Variants in TECPR1 observed in about 807,000 individuals in gnomAD.
The protein encoded by TECPR1 is tectonin beta-propeller repeat containing 1, also known as tectonin beta-propeller repeat-containing protein 1.
TECPR1 carries 122 observed loss-of-function variants against 162.4 expected under a neutral mutation model. The ratio of observed to expected loss-of-function variants is 0.75; its 90% CI spans 0.65 to 0.87. TECPR1 has a LOEUF of 0.87. Among genes scored for constraint, TECPR1 ranks in the 40% least tolerant of loss-of-function variants. TECPR1 has a pLI of 0.00. For missense variants in TECPR1, 1,432 were observed against 1,618.2 expected (o/e 0.88, Z 1.97); for synonymous variants, 642 against 670.6 (o/e 0.96, Z 0.66).
In TECPR1 at chr7:98,232,744, T is replaced by G; in HGVS notation, c.1818+83A>C. On this transcript the variant is annotated intron_variant, in intron 12 of 25. Transcript: ENST00000447648. The surrounding 1 kb of genome is among the most constrained non-coding windows in gnomAD (Gnocchi z 4.6). ...GGATGGAGGCATCTATCTGTTTCTC[T>G]CAGAGCTGGTACACAGCAGGCGCTC... 6.2e-6 allele frequency: 9 copies of G among 1,442,012 alleles called. No individual in the cohort carries two copies. Among genetic ancestry groups the G allele is most frequent in the Non-Finnish European group, 8.2e-6 (9 of 1,094,260 alleles). 89.3% of individuals were successfully genotyped at this position (1,442,012 alleles called of 1,614,324 possible). A position where few individuals can be genotyped will look rare whatever the true frequency, so the allele number is the denominator to read the frequency against.
Position 98,252,150 on chromosome 7 carries a change from A to C in TECPR1, c.-199T>G, listed in dbSNP as rs959936031. On this transcript the variant is annotated 5_prime_UTR_variant, in exon 1 of 26. Coordinates refer to ENST00000447648, the MANE Select transcript of TECPR1 (RefSeq NM_015395.3). ...CCTGGGCCCGCGCCGGGCGGGGCGA[A>C]GTCGCGGTGGTAGGTCCTCGGCGTC... 1 of 152,532 alleles carries C rather than the reference A, an allele frequency of 6.6e-6. No individual in the cohort carries two copies. 9.4% of individuals were successfully genotyped at this position (152,532 alleles called of 1,614,324 possible).
intron 18 of TECPR1, 33 bp downstream of exon 18, chr7:98,224,973 T>C: frequency 6.5e-7 from 1 of 1,539,358 alleles, no homozygotes; most frequent in Non-Finnish European, 8.8e-7. Context: ...GGAGGGCGGA[T>C]TCCCAACCCC....
intron 10 of TECPR1, among the ~76,000 whole-genome samples, chr7:98,235,851 A>AACAC (rs1554401451): frequency 6.8e-6 from 1 of 147,278 alleles, no homozygotes; most frequent in Non-Finnish European, 1.5e-5. Flanking sequence ...AAAAAAAAAA[A>AACAC]CACCATCTGA....
rs756231563 is a variant in TECPR1, at chr7:98,236,822, G to A, written c.1135C>T (p.Arg379Ter). 129 of 1,588,102 alleles carry A rather than the reference G, an allele frequency of 8.1e-5. No homozygotes were observed. The highest frequency in any genetic ancestry group is 2.9e-4 in the South Asian group (25 of 86,862). Residue 379 changes from arginine (R) to a stop codon, truncating the protein, a stop_gained, in exon 10 of 26, where the codon CGA becomes TGA. Coordinates refer to ENST00000447648, the MANE Select transcript of TECPR1 (RefSeq NM_015395.3). LOFTEE classifies it high-confidence loss of function. ...GKTWKAIIAA[R>*]ECDRSHSGSS... ...CCAGAGTGTGACCGGTCACACTCTC[G>A]GGCCGCGATGATGGCTTTCCAGGTC...
chr7:98,233,339 CT>C (rs751415294), intron 11 of TECPR1, 81 bp downstream of exon 11: 1,088 of 1,384,108 alleles, frequency 7.9e-4, no homozygotes, highest in Non-Finnish European at 8.3e-4. Context: ...CCCGAGCCCC[CT>C]GACCCCGGCC....
In TECPR1 at chr7:98,236,896, C is replaced by T. The variant is rs1228350195; in HGVS notation, c.1061G>A (p.Arg354Gln). ...GACACCCTGCCGGAAGTACACGGCT[C>T]GGTCCTCACAGCCAATGCCCCACAC... Reference protein sequence around the residue: ...DQVWGIGCEDRAVYFRQGVTP... With the variant: ...DQVWGIGCEDQAVYFRQGVTP... Residue 354 changes from arginine (R) to glutamine (Q), a missense_variant, in exon 10 of 26, where the codon CGA (arginine) becomes CAA (glutamine). Coordinates refer to ENST00000447648, the MANE Select transcript of TECPR1 (RefSeq NM_015395.3). The T allele has an allele frequency of 8.9e-6, 14 of 1,571,824 alleles. No individual in the cohort carries two copies. Among genetic ancestry groups the T allele is most frequent in the Middle Eastern group, 1.7e-4 (1 of 6,006 alleles).
chr7:98,244,262 TC>T (rs1798842407), intron 5 of TECPR1, among the ~76,000 whole-genome samples: 1 of 152,136 alleles, frequency 6.6e-6, no homozygotes, highest in Admixed American at 6.5e-5. Flanking sequence ...CAGAGGTGCC[TC>T]CCTTGGCTGA....
At chr7:98,245,232 G>A in intron 3 of TECPR1, 165 bp from the exon 4 acceptor site, 3 of 710,694 alleles carry the variant, frequency 4.2e-6, no homozygotes, top group Non-Finnish European at 4.6e-6. Flanking sequence ...AGCAACTGGG[G>A]ACCCCCATGC....
intron 10 of TECPR1, among the ~76,000 whole-genome samples, chr7:98,234,445 C>T (rs908941255): frequency 1.3e-5 from 2 of 152,162 alleles, no homozygotes; most frequent in African/African-American, 4.8e-5. Flanking sequence ...TGAGCCACCG[C>T]GCCCGATCAT....
At chr7:98,223,556 G>A in intron 20 of TECPR1, 106 bp downstream of exon 20, 1 of 1,230,246 alleles carries the variant, frequency 8.1e-7, no homozygotes, top group South Asian at 1.3e-5. Flanking sequence ...TGGGACTGAG[G>A]TCAGAGGCCA....
At chr7:98,234,705 C>CTT (rs34332931) in intron 10 of TECPR1, among the ~76,000 whole-genome samples, 180 of 73,454 alleles carry the variant, frequency 2.5e-3, no homozygotes, top group East Asian at 5.8e-3. Flanking sequence ...TTGTTATTGT[C>CTT]TTTTTTTTTT....
Position 98,217,379 on chromosome 7 carries a change from G to C in TECPR1, c.*11C>G, listed in dbSNP as rs1413281740. On this transcript the variant is annotated 3_prime_UTR_variant, in exon 26 of 26. Transcript: ENST00000447648. Reference sequence around the variant, plus strand: ...GGGCACCGTCCCTGCATGTAGGTGTGTGGGGGGGCCTCAGCAGCAGACGGG... The same window carrying C: ...GGGCACCGTCCCTGCATGTAGGTGTCTGGGGGGGCCTCAGCAGCAGACGGG... 6.6e-7 allele frequency: 1 copy of C among 1,517,090 alleles called. No individual in the cohort carries two copies. Among genetic ancestry groups the C allele is most frequent in the Non-Finnish European group, 9.0e-7 (1 of 1,113,582 alleles). 94.0% of individuals were successfully genotyped at this position (1,517,090 alleles called of 1,614,324 possible).
intron 10 of TECPR1, 42 bp from the exon 11 acceptor site, chr7:98,233,953 G>T: frequency 6.8e-7 from 1 of 1,469,304 alleles, no homozygotes; most frequent in Admixed American, 2.5e-5. Context: ...CCTTGCAGGG[G>T]AACAGGCGCT....
intron 16 of TECPR1, chr7:98,228,633 C>T (rs946543390): frequency 1.4e-5 from 3 of 213,682 alleles, no homozygotes; most frequent in Non-Finnish European, 2.9e-5. Flanking sequence ...CCCCGTGGGG[C>T]ATGTGGGCTG....
chr7:98,231,911 G>A lies in TECPR1; in HGVS notation c.1867C>T (p.Pro623Ser). The A allele has an allele frequency of 1.2e-6, 2 of 1,610,098 alleles. No individual in the cohort carries two copies. The highest frequency in any genetic ancestry group is 1.7e-6 in the Non-Finnish European group (2 of 1,179,782). Residue 623 changes from proline (P) to serine (S), a missense_variant, in exon 13 of 26, where the codon CCC becomes TCC. By Grantham distance (74) the Pro-to-Ser change is moderately conservative. Coordinates refer to ENST00000447648, the MANE Select transcript of TECPR1 (RefSeq NM_015395.3). The part of the protein sequence containing the change: ...GALQWWCDWK[P>S]HKWVDVRLAL... ...AAGCGCACGTCCACCCACTTGTGGG[G>A]CTTCCAGTCGCACCACCACTGCAGC...
chr7:98,231,272 C>T lies in TECPR1; in HGVS notation c.2076G>A (p.Arg692=). 1 of 1,613,190 alleles carries T rather than the reference C, an allele frequency of 6.2e-7. No homozygotes were observed. The highest frequency in any genetic ancestry group is 8.5e-7 in the Non-Finnish European group (1 of 1,179,710). ...ALYTPERTRQ[R]WPVRLAAATE... is the part of the protein sequence containing the mutation. ...TGGCAGCAGCCAGACGCACCGGCCA[C>T]CTCTGCCGTGTCCGCTCAGGGGTGT... Residue 692 remains arginine (R), a synonymous_variant, in exon 14 of 26, where the codon AGG becomes AGA. Coordinates refer to ENST00000447648, the MANE Select transcript of TECPR1 (RefSeq NM_015395.3).
intron 2 of TECPR1, among the ~76,000 whole-genome samples, chr7:98,248,187 TGGCAG>T (rs1408809619): frequency 1.3e-5 from 2 of 152,158 alleles, no homozygotes; most frequent in African/African-American, 2.4e-5. Flanking sequence ...CTTTCCACCG[TGGCAG>T]GGCCACATGG....
Position 98,217,755 on chromosome 7 carries a change from C to T in TECPR1, c.3321G>A (p.Val1107=), listed in dbSNP as rs1484983086. The stretch of plus-strand genomic sequence containing the variant: ...GAGGCTGCACGCCGGTGCGATGACA[C>T]ACTGTCCCCCGGCTCAGGCTGTGGC... ...QGSHSLSRGT[V]CHRTGVQPHE... is the part of the protein sequence containing the mutation. Residue 1107 remains valine (V), a synonymous_variant, in exon 25 of 26, where the codon GTG becomes GTA. Transcript: ENST00000447648. The T allele has an allele frequency of 1.9e-6, 3 of 1,550,734 alleles. No individual in the cohort carries two copies. Among genetic ancestry groups the T allele is most frequent in the East Asian group, 2.4e-5 (1 of 40,932 alleles).
At chr7:98,245,222 A>G (rs1041533799) in intron 3 of TECPR1, 155 bp from the exon 4 acceptor site, 3 of 788,974 alleles carry the variant, frequency 3.8e-6, no homozygotes, top group African/African-American at 3.5e-5. Flanking sequence ...TGTGGGACCC[A>G]GCAACTGGGG....
Sources: gnomAD v4.1 joint callset for allele counts (sites outside exome capture counted in the v4.1 genomes callset) on GRCh38, gnomAD v4.1.1 for gene constraint, Gnocchi (gnomAD v3.1) non-coding constraint, MANE v1.5 for transcripts, NCBI Gene and HGNC (gene_info 2026-07-23, HGNC 2026-07-21) for gene names.